The following DLG2 variants were observed in gnomAD, a reference collection of about 807,000 sequenced individuals.
DLG2 encodes disks large homolog 2.
DLG2 carries 45 observed loss-of-function variants against 132.5 expected under a neutral mutation model. The observed-to-expected ratio is 0.34, with a 90% CI of 0.27 to 0.44. The LOEUF (loss-of-function observed/expected upper bound fraction) is 0.44. Ranked by LOEUF, DLG2 falls within the 20% of genes least tolerant of loss-of-function variation. The pLI, the probability that DLG2 is intolerant of heterozygous loss-of-function variation, is 1.00. For missense variants in DLG2, 1,045 were observed against 1,196.9 expected, an observed-to-expected ratio of 0.87 and a Z score of 1.87; for synonymous variants, 424 against 419.6, an observed-to-expected ratio of 1.01 and a Z score of -0.13.
intron 6 of DLG2, among the ~76,000 whole-genome samples, chr11:85,024,289 T>C (rs1041468723): frequency 1.3e-5 from 2 of 152,188 alleles, no homozygotes; most frequent in Non-Finnish European, 2.9e-5. Flanking sequence ...AGTTACAGGA[T>C]GGGAAATGTA....
intron 11 of DLG2, among the ~76,000 whole-genome samples, chr11:84,055,974 T>A (rs1041214474): frequency 2.4e-4 from 36 of 152,110 alleles, no homozygotes; most frequent in African/African-American, 8.4e-4. Context: ...CATAATTCAA[T>A]CCAGTTAGCT....
At chr11:83,887,282 A>G (rs1210885235) in intron 15 of DLG2, among the ~76,000 whole-genome samples, 1 of 152,160 alleles carries the variant, frequency 6.6e-6, no homozygotes, top group Non-Finnish European at 1.5e-5. Flanking sequence ...CACCGATCTC[A>G]CAGAAATACA....
intron 15 of DLG2, among the ~76,000 whole-genome samples, chr11:83,929,707 CT>C (rs1320600109): frequency 1.1e-4 from 16 of 152,172 alleles, no homozygotes; most frequent in Admixed American, 9.8e-4. Flanking sequence ...TTAAAATAGG[CT>C]GGGAGCAGTT....
At chr11:84,066,021 T>C (rs78878344) in intron 10 of DLG2, among the ~76,000 whole-genome samples, 1,665 of 151,908 alleles carry the variant, frequency 0.011, 35 homozygotes, top group African/African-American at 0.038. Flanking sequence ...AAACTTGGAG[T>C]ACGTATGGAC....
Position 85,077,644 on chromosome 11 carries a change from T to TACAG in DLG2, c.357+34016_357+34017insCTGT, listed in dbSNP as rs1408860408. On this transcript the variant is annotated intron_variant, in intron 6 of 27. Coordinates refer to ENST00000376104, the MANE Select transcript of DLG2 (RefSeq NM_001142699.3). ...TTAACATCATAATTGTCAAAAGTTA[T>TACAG]AAAAATGAAAAATGTGCTACTGCAC... Among the ~76,000 whole-genome samples, 3 of 152,046 alleles carry TACAG rather than the reference T, an allele frequency of 2.0e-5. No homozygotes were observed. The East Asian group carries it at 5.8e-4, about 30-fold the overall frequency.
chr11:85,155,370 T>A (rs1276676408), intron 4 of DLG2, among the ~76,000 whole-genome samples: 1 of 152,216 alleles, frequency 6.6e-6, no homozygotes, highest in South Asian at 2.1e-4. Flanking sequence ...TGTGGCAGAC[T>A]AAATTCTTAG....
intron 6 of DLG2, among the ~76,000 whole-genome samples, chr11:84,946,601 CTCT>C (rs1192729967): frequency 6.6e-6 from 1 of 151,938 alleles, no homozygotes; most frequent in Non-Finnish European, 1.5e-5. Context: ...AGACAAAGTC[CTCT>C]TTACTCTCCC....
chr11:83,947,181 A>C (rs1310984584), intron 14 of DLG2, among the ~76,000 whole-genome samples: 1 of 152,166 alleles, frequency 6.6e-6, no homozygotes, highest in Non-Finnish European at 1.5e-5. Flanking sequence ...ATGATACCTG[A>C]ATGGGAAATC....
At chr11:85,200,866 G>C (rs986691868) in intron 4 of DLG2, among the ~76,000 whole-genome samples, 1 of 151,982 alleles carries the variant, frequency 6.6e-6, no homozygotes, top group African/African-American at 2.4e-5. Flanking sequence ...AGGAATCACA[G>C]ACCTGTCTGA....
chr11:85,524,514 A>T (rs2074588539), intron 3 of DLG2, among the ~76,000 whole-genome samples: 1 of 152,066 alleles, frequency 6.6e-6, no homozygotes, highest in African/African-American at 2.4e-5. Flanking sequence ...TTTTTTTGAG[A>T]CAGGATCTTG....
chr11:85,582,601 A>T (rs1282951917), intron 3 of DLG2, among the ~76,000 whole-genome samples: 1 of 132,790 alleles, frequency 7.5e-6, no homozygotes, highest in African/African-American at 2.9e-5. Context: ...AGGCAGGTGG[A>T]TCACTTGAGG....
At chr11:85,120,519 T>G (rs1160114865) in intron 5 of DLG2, among the ~76,000 whole-genome samples, 1 of 152,038 alleles carries the variant, frequency 6.6e-6, no homozygotes, top group Non-Finnish European at 1.5e-5. Context: ...CAAATAAATT[T>G]TTTAAATTTT....
chr11:84,036,069 T>C lies in DLG2; in HGVS notation c.919+23246A>G, dbSNP rs150907578. Among the ~76,000 whole-genome samples the C allele has an allele frequency of 3.6e-4, 55 of 152,124 alleles. No homozygotes were observed. In the East Asian group the frequency reaches 0.01, roughly 28 times the overall value. ...TCAAAGATGATATTAAATATAAGCATAAAGAAAAATGTAAGCATAGGGATG... is the reference window on the plus strand; with the variant it reads ...TCAAAGATGATATTAAATATAAGCACAAAGAAAAATGTAAGCATAGGGATG... On this transcript the variant is annotated intron_variant, in intron 11 of 27. Coordinates refer to ENST00000376104, the MANE Select transcript of DLG2 (RefSeq NM_001142699.3).
chr11:83,643,280 T>A (rs1006516629), intron 18 of DLG2, among the ~76,000 whole-genome samples: 4 of 152,176 alleles, frequency 2.6e-5, no homozygotes, highest in Non-Finnish European at 4.4e-5. Flanking sequence ...AAGGGCATCA[T>A]GCATGAGAGA....
intron 7 of DLG2, among the ~76,000 whole-genome samples, chr11:84,400,650 C>CG (rs960274300): frequency 1.3e-5 from 2 of 152,164 alleles, no homozygotes; most frequent in African/African-American, 2.4e-5. Flanking sequence ...GAATTGGAAA[C>CG]TAAGTTTCCT....
intron 8 of DLG2, among the ~76,000 whole-genome samples, chr11:84,215,694 G>A (rs191829019): frequency 6.6e-6 from 1 of 152,046 alleles, no homozygotes; most frequent in Admixed American, 6.6e-5. Flanking sequence ...ACCTATAGAG[G>A]GTCCAGCATC....
chr11:83,998,528 A>G (rs2094168661), intron 11 of DLG2, among the ~76,000 whole-genome samples: 1 of 152,220 alleles, frequency 6.6e-6, no homozygotes, highest in Non-Finnish European at 1.5e-5. Context: ...GACCAGGATC[A>G]GCTGGGAGAT....
intron 9 of DLG2, among the ~76,000 whole-genome samples, chr11:84,157,156 TTTAA>T (rs2095444540): frequency 6.6e-6 from 1 of 152,118 alleles, no homozygotes; most frequent in Non-Finnish European, 1.5e-5. Context: ...AATCTTATAG[TTTAA>T]TTAAATAATT....
intron 8 of DLG2, among the ~76,000 whole-genome samples, chr11:84,227,460 C>T (rs933331357): frequency 1.3e-5 from 2 of 152,026 alleles, no homozygotes; most frequent in Non-Finnish European, 2.9e-5. Context: ...TATGTTTGTG[C>T]CCCCACTGAG....
Sources: gnomAD v4.1 joint callset for allele counts (sites outside exome capture counted in the v4.1 genomes callset) on GRCh38, gnomAD v4.1.1 for gene constraint, MANE v1.5 for transcripts, NCBI Gene and HGNC (gene_info 2026-07-23, HGNC 2026-07-21) for gene names.